HEPH: variants seen among roughly 807,000 people sequenced by gnomAD.
HEPH encodes hephaestin.
A neutral mutation model predicts 80.8 loss-of-function variants in HEPH; 69 were observed. The ratio of observed to expected loss-of-function variants is 0.85; its 90% CI spans 0.70 to 1.04. The LOEUF (loss-of-function observed/expected upper bound fraction) is 1.04, where lower values mean the gene tolerates loss of function less well. Ranked by LOEUF, HEPH falls within the 50% of genes least tolerant of loss-of-function variation. The probability of loss-of-function intolerance (pLI) is 0.00; values close to 1 mark genes in which losing one functional copy is unlikely to be tolerated. For missense variants in HEPH, 1,115 were observed against 891.3 expected (o/e 1.25, Z -3.20); for synonymous variants, 431 against 322.8 (o/e 1.34, Z -3.60).
chrX:66,212,497 G>T (rs2089184527), intron 15 of HEPH, among the ~76,000 whole-genome samples: 1 of 111,339 alleles, frequency 9.0e-6, no homozygotes, highest in African/African-American at 3.3e-5. Context: ...TTTGTATATG[G>T]TGAGAGATAT....
chrX:66,219,238 G>A (rs902479098), intron 15 of HEPH, among the ~76,000 whole-genome samples: 1 of 112,134 alleles, frequency 8.9e-6, no homozygotes, highest in East Asian at 2.8e-4. Context: ...TATTATAAGA[G>A]TTTTAAATCT....
chrX:66,221,686 G>A (rs1020436593), intron 15 of HEPH, among the ~76,000 whole-genome samples: 5 of 112,639 alleles, frequency 4.4e-5, no homozygotes, highest in Middle Eastern at 4.6e-3. Context: ...GGGTTTTGTC[G>A]GGTCAAATAG....
Position 66,208,631 on chromosome X carries a change from CATATATATATATATATAT to C in HEPH, c.2563+414_2563+431del, listed in dbSNP as rs56924616. 2.5e-3 allele frequency among the ~76,000 whole-genome samples: 88 copies of C among 35,107 alleles called. No individual in the cohort carries two copies. The South Asian group carries it at 0.035, about 14-fold the overall frequency. The allele number at this position is 35,107 out of a possible 115,157, so 30.5% of individuals were successfully genotyped here. ...AGACTCCATCTCAAATATATACATA[CATATATATATATATATAT>C]ATATATATATATATATATATATATA... On this transcript the variant is annotated intron_variant, in intron 15 of 20. Transcript: ENST00000343002.
chrX:66,245,385 G>A (rs904548801), intron 15 of HEPH, among the ~76,000 whole-genome samples: 29 of 111,557 alleles, frequency 2.6e-4, no homozygotes, highest in East Asian at 5.6e-4. Context: ...GAAAAAGAAG[G>A]CCATTACATA....
rs1233310381 is a variant in HEPH at position 66,195,165 on chromosome X, A to G, written c.1437A>G (p.Pro479=). Residue 479 remains proline, a synonymous_variant, in exon 9 of 21, where the codon CCA becomes CCG. Transcript: ENST00000343002. The stretch of plus-strand genomic sequence containing the variant: ...TCTTCTACAACCGTGCCTCCCAGCC[A>G]TTCAGCATGCAGCCCCATGGGGTCT... The part of the protein sequence containing the change: ...QVVFYNRASQ[P]FSMQPHGVFY... The G allele has an allele frequency of 8.3e-7, 1 of 1,203,151 alleles. No homozygotes were observed. Among genetic ancestry groups the G allele is most frequent in the Non-Finnish European group, 1.1e-6 (1 of 891,952 alleles).
intron 17 of HEPH, 44 bp from the exon 18 acceptor site, chrX:66,258,796 A>T (rs2091263237): frequency 9.6e-7 from 1 of 1,042,543 alleles, no homozygotes; most frequent in Non-Finnish European, 1.3e-6. Flanking sequence ...GAGATGTAAG[A>T]AGCTTTTTCT....
At chrX:66,211,018 G>A (rs981159253) in intron 15 of HEPH, among the ~76,000 whole-genome samples, 11 of 111,496 alleles carry the variant, frequency 9.9e-5, no homozygotes, top group African/African-American at 3.6e-4. Flanking sequence ...ATTATCATCA[G>A]TTTGAGATAT....
At chrX:66,180,634 T>C (rs922025574) in intron 4 of HEPH, among the ~76,000 whole-genome samples, 5 of 91,205 alleles carry the variant, frequency 5.5e-5, no homozygotes, top group African/African-American at 2.6e-4. Context: ...TTCTTTTTTT[T>C]TTTTTTCACA....
chrX:66,192,345 C>T (rs1430295546), intron 7 of HEPH, 47 bp downstream of exon 7: 1 of 1,060,481 alleles, frequency 9.4e-7, no homozygotes, highest in Non-Finnish European at 1.3e-6. Flanking sequence ...ATTGGTCCAG[C>T]TCCAAACATT....
intron 15 of HEPH, among the ~76,000 whole-genome samples, chrX:66,248,140 G>T (rs980087073): frequency 1.8e-5 from 2 of 110,378 alleles, no homozygotes; most frequent in Non-Finnish European, 3.8e-5. Flanking sequence ...CTAATTATCA[G>T]TCTCTCCCTC....
intron 15 of HEPH, among the ~76,000 whole-genome samples, chrX:66,233,027 C>T (rs1411397253): frequency 9.0e-6 from 1 of 110,674 alleles, no homozygotes. Flanking sequence ...AATCATTAAC[C>T]TACAGAAGCA....
intron 15 of HEPH, among the ~76,000 whole-genome samples, chrX:66,241,748 A>C (rs976890688): frequency 2.3e-4 from 26 of 111,650 alleles, no homozygotes; most frequent in African/African-American, 7.5e-4. Context: ...CTTGACATTC[A>C]ACCAAATTTC....
intron 1 of HEPH, among the ~76,000 whole-genome samples, chrX:66,169,311 AAC>A (rs1022585784): frequency 8.9e-6 from 1 of 112,184 alleles, no homozygotes; most frequent in African/African-American, 3.2e-5. Context: ...GATTTTATAT[AAC>A]AGAGTGATTT....
chrX:66,234,080 A>G (rs708966), intron 15 of HEPH, among the ~76,000 whole-genome samples: 40,512 of 108,499 alleles, frequency 0.37, 9,359 homozygotes, highest in African/African-American at 0.86. Flanking sequence ...CATTTGAGTA[A>G]GCTCCAGTGT....
intron 5 of HEPH, among the ~76,000 whole-genome samples, 189 bp from the exon 6 acceptor site, chrX:66,189,495 A>G (rs1000978479): frequency 3.6e-4 from 40 of 111,616 alleles, no homozygotes; most frequent in African/African-American, 1.3e-3. Context: ...CTCTTTTTTA[A>G]TGAGACTAAT....
intron 1 of HEPH, among the ~76,000 whole-genome samples, chrX:66,167,399 AC>A (rs2086418977): frequency 8.9e-6 from 1 of 112,230 alleles, no homozygotes; most frequent in East Asian, 2.8e-4. Flanking sequence ...GATGGCCTGT[AC>A]TAGTCTCTCC....
rs964321370 is a variant in HEPH at position 66,262,163 on chromosome X, G to A, written c.3200-1481G>A. ...TGTTTCAACTCCATGTGTGTTAACA[G>A]GCCAACAGGAAGGAAGAGTTGAAAA... is the stretch of plus-strand genomic sequence containing the variant. On this transcript the variant is annotated intron_variant, in intron 19 of 20. Transcript: ENST00000343002. Among the ~76,000 whole-genome samples the A allele has an allele frequency of 4.5e-5, 5 of 111,939 alleles. No individual in the cohort carries two copies. The Admixed American group carries it at 4.7e-4, about 11-fold the overall frequency.
chrX:66,242,933 T>C (rs969735968), intron 15 of HEPH, among the ~76,000 whole-genome samples: 4 of 111,955 alleles, frequency 3.6e-5, no homozygotes, highest in African/African-American at 1.3e-4. Context: ...ATTAGTTTAG[T>C]CACTGTGGAA....
chrX:66,221,599 G>T (rs185248779), intron 15 of HEPH, among the ~76,000 whole-genome samples: 2 of 112,708 alleles, frequency 1.8e-5, no homozygotes, highest in East Asian at 5.6e-4. Context: ...TAGGCCACTG[G>T]CCTTGGCCAG....
Sources: allele counts gnomAD v4.1 joint callset (sites outside exome capture counted in the v4.1 genomes callset), GRCh38; gene constraint gnomAD v4.1.1; transcripts MANE v1.5; gene names NCBI Gene and HGNC (gene_info 2026-07-23, HGNC 2026-07-21).